TLE1: variants seen among roughly 807,000 people sequenced by gnomAD.
The protein encoded by TLE1 is transducin-like enhancer protein 1.
TLE1 carries 21 observed loss-of-function variants against 89.8 expected under a neutral mutation model. The observed-to-expected ratio is 0.23, with a 90% CI of 0.17 to 0.34. The LOEUF (loss-of-function observed/expected upper bound fraction) is 0.34. Among genes scored for constraint, TLE1 ranks in the 10% least tolerant of loss-of-function variants. The pLI is 1.00. For synonymous variants in TLE1, 447 were observed against 407.6 expected (o/e 1.10, Z -1.16); for missense variants, 795 against 1,031.2 (o/e 0.77, Z 3.14).
rs906452631 is a variant in TLE1, at chr9:81,620,325, T to C, written c.711+116A>G. Reference sequence around the variant, plus strand: ...TATCCTACAATGTAAGAACCTCTCCTCTTTACAGTATTATGTTTAAGGACA... The same window carrying C: ...TATCCTACAATGTAAGAACCTCTCCCCTTTACAGTATTATGTTTAAGGACA... On this transcript the variant is annotated intron_variant, in intron 9 of 19. Transcript: ENST00000376499. 4.8e-6 allele frequency: 4 copies of C among 835,996 alleles called. No individual in the cohort carries two copies. In the African/African-American group the frequency reaches 5.1e-5, roughly 11 times the overall value. The allele number at this position is 835,996 out of a possible 1,614,324, so 51.8% of individuals were successfully genotyped here.
At chr9:81,589,334 T>C (rs1417512153) in intron 16 of TLE1, among the ~76,000 whole-genome samples, 1 of 152,164 alleles carries the variant, frequency 6.6e-6, no homozygotes, top group Non-Finnish European at 1.5e-5. Context: ...CCATATACTA[T>C]ACTCCAGCAT....
chr9:81,679,216 T>C lies in TLE1; in HGVS notation c.234+6460A>G, dbSNP rs561226151. ...CTAAATCACAGGTTATTTGATAAAA[T>C]CATATATCAACACTTCCTGGATTTT... On this transcript the variant is annotated intron_variant, in intron 4 of 19. Coordinates refer to ENST00000376499, the MANE Select transcript of TLE1 (RefSeq NM_005077.5). Among the ~76,000 whole-genome samples, 19 of 152,250 alleles carry C rather than the reference T, an allele frequency of 1.2e-4. 1 individual carries two copies. The highest frequency in any genetic ancestry group is 4.3e-4 in the African/African-American group (18 of 41,538).
intron 4 of TLE1, among the ~76,000 whole-genome samples, chr9:81,681,195 T>A (rs1273891427): frequency 6.6e-6 from 1 of 152,200 alleles, no homozygotes. Flanking sequence ...CAACCAGGAT[T>A]GCAGAATATA....
chr9:81,654,459 G>A (rs1829920027), intron 4 of TLE1, among the ~76,000 whole-genome samples: 1 of 152,112 alleles, frequency 6.6e-6, no homozygotes, highest in Admixed American at 6.5e-5. Flanking sequence ...TCCTGCCTCA[G>A]CCTCCCAAGT....
intron 17 of TLE1, among the ~76,000 whole-genome samples, chr9:81,587,376 C>A (rs1455044287): frequency 6.6e-6 from 1 of 152,166 alleles, no homozygotes; most frequent in South Asian, 2.1e-4. Flanking sequence ...AGATCAAACA[C>A]TGCTGAAGGA....
At chr9:81,602,185 G>C (rs1310465356) in intron 14 of TLE1, among the ~76,000 whole-genome samples, 1 of 152,110 alleles carries the variant, frequency 6.6e-6, no homozygotes, top group East Asian at 1.9e-4. Flanking sequence ...GCAGGGGCTG[G>C]AGTCATCAGG....
Position 81,688,354 on chromosome 9 carries a change from G to A in TLE1, c.-114C>T, listed in dbSNP as rs1588294344. On this transcript the variant is annotated 5_prime_UTR_variant, in exon 1 of 20. Transcript: ENST00000376499. The stretch of plus-strand genomic sequence containing the variant: ...GGAAAGCCAAGCAGAAGCGGGGAGC[G>A]CGCTGGCCACGCACGCGCGCTCCGC... The A allele has an allele frequency of 8.2e-6, 10 of 1,224,210 alleles. No homozygotes were observed. The South Asian group carries it at 1.4e-4, about 17-fold the overall frequency. 75.8% of individuals were successfully genotyped at this position (1,224,210 alleles called of 1,614,324 possible). A position where few individuals can be genotyped will look rare whatever the true frequency, so the allele number is the denominator to read the frequency against.
At chr9:81,662,962 C>T (rs1831004620) in intron 4 of TLE1, among the ~76,000 whole-genome samples, 2 of 151,988 alleles carry the variant, frequency 1.3e-5, no homozygotes, top group Non-Finnish European at 2.9e-5. Flanking sequence ...ATTCTCATGC[C>T]TCAGCCTCCC....
At chr9:81,590,100 T>C (rs1829262859) in intron 16 of TLE1, among the ~76,000 whole-genome samples, 1 of 152,228 alleles carries the variant, frequency 6.6e-6, no homozygotes, top group African/African-American at 2.4e-5. Flanking sequence ...GTAAAACATG[T>C]ACTCATTTTA....
intron 11 of TLE1, among the ~76,000 whole-genome samples, chr9:81,614,466 T>G (rs1266607864): frequency 6.6e-6 from 1 of 152,116 alleles, no homozygotes; most frequent in African/African-American, 2.4e-5. Flanking sequence ...ACAGGGCACC[T>G]TCTCTGGCCT....
In TLE1 at chr9:81,613,478, G is replaced by A. The variant is rs539528475; in HGVS notation, c.962C>T (p.Thr321Met). ...STPVLKSSTP[T>M]PRSDMPTPGT... ...CGGCGTTGGCATGTCGCTCCGAGGC[G>A]TTGGTGTGCTGGATTTCAGAACAGG... Residue 321 changes from threonine (T) to methionine (M), a missense_variant, in exon 12 of 20, where the codon ACG (threonine) becomes ATG (methionine). Transcript: ENST00000376499. 1.2e-5 allele frequency: 19 copies of A among 1,614,116 alleles called. 1 individual carries two copies. The highest frequency in any genetic ancestry group is 5.5e-5 in the South Asian group (5 of 91,084).
At chr9:81,587,944 G>GTGTGATCCCGCCAGTGTCTGCTGA in intron 16 of TLE1, 116 bp from the exon 17 acceptor site, 3 of 1,208,292 alleles carry the variant, frequency 2.5e-6, no homozygotes, top group Non-Finnish European at 3.4e-6. Context: ...GTGTGTGTGT[G>GTGTGATCCCGCCAGTGTCTGCTGA]TGATCCCGCC....
intron 6 of TLE1, among the ~76,000 whole-genome samples, chr9:81,640,990 C>G (rs1032344320): frequency 2.0e-5 from 3 of 152,160 alleles, no homozygotes; most frequent in Non-Finnish European, 2.9e-5. Flanking sequence ...AGACTTAACC[C>G]AACCCAAACT....
intron 9 of TLE1, among the ~76,000 whole-genome samples, chr9:81,620,137 G>A (rs369288148): frequency 1.4e-3 from 219 of 152,232 alleles, no homozygotes; most frequent in African/African-American, 4.6e-3. Context: ...AGGGAGGCGG[G>A]GGGCCCGGGG....
At chr9:81,642,351 C>T (rs1828237003) in intron 6 of TLE1, among the ~76,000 whole-genome samples, 1 of 152,102 alleles carries the variant, frequency 6.6e-6, no homozygotes, top group Non-Finnish European at 1.5e-5. Flanking sequence ...TCAATCTGTA[C>T]ATGATCCAGC....
chr9:81,613,340 G>A (rs1268528415), intron 12 of TLE1, 37 bp downstream of exon 12: 1 of 1,603,182 alleles, frequency 6.2e-7, no homozygotes, highest in Admixed American at 1.7e-5. Flanking sequence ...GGGAATGGGA[G>A]AAACCAAACA....
At chr9:81,615,841 GA>G in intron 11 of TLE1, 140 bp downstream of exon 11, 1 of 1,078,290 alleles carries the variant, frequency 9.3e-7, no homozygotes, top group East Asian at 2.5e-5. Context: ...ACAAAGAACA[GA>G]AGGATGAGTT....
intron 6 of TLE1, among the ~76,000 whole-genome samples, chr9:81,638,002 TC>T (rs1367299329): frequency 6.6e-6 from 1 of 152,144 alleles, no homozygotes; most frequent in East Asian, 1.9e-4. Context: ...AGCAGCTCAA[TC>T]ATGTTCTCCA....
chr9:81,606,972 C>T (rs761054671), intron 14 of TLE1, among the ~76,000 whole-genome samples: 26 of 151,182 alleles, frequency 1.7e-4, no homozygotes, highest in Non-Finnish European at 3.2e-4. Context: ...GCCTGTAGTC[C>T]CAGCACTTTG....
Sources: allele counts gnomAD v4.1 joint callset (sites outside exome capture counted in the v4.1 genomes callset), GRCh38; gene constraint gnomAD v4.1.1; transcripts MANE v1.5; gene names NCBI Gene and HGNC (gene_info 2026-07-23, HGNC 2026-07-21).